RAP1GAP2: variants seen among roughly 807,000 people sequenced by gnomAD.
RAP1GAP2 encodes the protein RAP1 GTPase activating protein 2.
In RAP1GAP2, 27 loss-of-function variants were observed where a neutral mutation model predicts 95.0. The ratio of observed to expected loss-of-function variants is 0.28; its 90% confidence interval spans 0.21 to 0.39. The LOEUF (loss-of-function observed/expected upper bound fraction) is 0.39. RAP1GAP2 is among the 10% of genes least tolerant of loss of function. The pLI is 1.00. For synonymous variants in RAP1GAP2, 373 were observed against 380.9 expected, an observed-to-expected ratio of 0.98 and a Z score of 0.24; for missense variants, 771 against 970.0, an observed-to-expected ratio of 0.79 and a Z score of 2.72.
At chr17:2,816,482 C>T (rs59187238) in intron 2 of RAP1GAP2, among the ~76,000 whole-genome samples, 4,482 of 151,862 alleles carry the variant, frequency 0.03, 234 homozygotes, top group African/African-American at 0.1. Context: ...GGATCACAGG[C>T]GCCCGACACC....
At chr17:2,880,348 C>A (rs1436733907) in intron 2 of RAP1GAP2, among the ~76,000 whole-genome samples, 1 of 149,252 alleles carries the variant, frequency 6.7e-6, no homozygotes, top group East Asian at 2.0e-4. Flanking sequence ...TGGGTGGGGC[C>A]GTTGGGACAA....
intron 2 of RAP1GAP2, among the ~76,000 whole-genome samples, chr17:2,811,082 C>T (rs965752170): frequency 9.9e-5 from 15 of 152,262 alleles, no homozygotes; most frequent in African/African-American, 3.6e-4. Flanking sequence ...CCCCTCTTTC[C>T]ACTAAGAGCC....
intron 2 of RAP1GAP2, among the ~76,000 whole-genome samples, chr17:2,822,069 C>T (rs1434906547): frequency 6.6e-6 from 1 of 152,156 alleles, no homozygotes; most frequent in Non-Finnish European, 1.5e-5. Context: ...ATTTCAGATG[C>T]AGCTCCTGCC....
intron 8 of RAP1GAP2, among the ~76,000 whole-genome samples, chr17:2,968,565 G>C (rs2044714123): frequency 6.6e-6 from 1 of 152,118 alleles, no homozygotes; most frequent in South Asian, 2.1e-4. Context: ...GTATTTCATA[G>C]ATATAAAGTT....
At chr17:2,910,781 A>T (rs1597585171) in intron 3 of RAP1GAP2, among the ~76,000 whole-genome samples, 4 of 152,116 alleles carry the variant, frequency 2.6e-5, no homozygotes. Context: ...GCTGAAATGT[A>T]ATGGCGCGAT....
intron 2 of RAP1GAP2, among the ~76,000 whole-genome samples, chr17:2,848,244 G>A (rs960206200): frequency 4.6e-5 from 7 of 152,102 alleles, no homozygotes; most frequent in African/African-American, 7.2e-5. Context: ...ACAGAGATCC[G>A]TTTCCAAAAC....
intron 2 of RAP1GAP2, among the ~76,000 whole-genome samples, chr17:2,852,654 C>CG (rs1434674412): frequency 2.6e-5 from 4 of 152,250 alleles, no homozygotes; most frequent in African/African-American, 7.2e-5. Context: ...GGAACCTCTT[C>CG]GGCCCCAAAG....
chr17:2,817,775 C>T lies in RAP1GAP2; in HGVS notation c.80+17225C>T, dbSNP rs1437865682. Among the ~76,000 whole-genome samples, 2 of 121,354 alleles carry T rather than the reference C, an allele frequency of 1.6e-5. 1 individual carries two copies. Among genetic ancestry groups the T allele is most frequent in the Non-Finnish European group, 4.0e-5 (2 of 50,568 alleles). 79.6% of individuals were successfully genotyped at this position (121,354 alleles called of 152,430 possible). On this transcript the variant is annotated intron_variant, in intron 2 of 24. Coordinates refer to ENST00000254695, the MANE Select transcript of RAP1GAP2 (RefSeq NM_015085.5). ...ACCTCAGGCAATCCAACTGCCTCAA[C>T]CTCCCAAAGTGTTAGGATTACAGGC...
At chr17:3,002,556 G>A (rs750282807) in intron 14 of RAP1GAP2, among the ~76,000 whole-genome samples, 16 of 152,220 alleles carry the variant, frequency 1.1e-4, no homozygotes, top group Non-Finnish European at 2.2e-4. Context: ...GGGTGAAGCA[G>A]GACCTTAGCT....
chr17:2,774,471 C>G (rs1390517304), upstream of RAP1GAP2, among the ~76,000 whole-genome samples: 1 of 139,530 alleles, frequency 7.2e-6, no homozygotes. Flanking sequence ...GCTGGTCACC[C>G]CTGCTATCGT....
rs1376111394 is a variant in RAP1GAP2, at chr17:2,906,281, C to A, written c.165+913C>A. Among the ~76,000 whole-genome samples the A allele has an allele frequency of 6.6e-6, 1 of 152,224 alleles. No individual in the cohort carries two copies. The highest frequency in any genetic ancestry group is 6.5e-5 in the Admixed American group (1 of 15,284). On this transcript the variant is annotated intron_variant, in intron 3 of 24. Transcript: ENST00000254695. The surrounding 1 kb of genome is among the most constrained non-coding windows in gnomAD (Gnocchi z 4.3). ...TTCCTCACTGCTCTGCATCACCCCT[C>A]CTCTTCCCTGAACCTAATCTTTTGC...
intron 3 of RAP1GAP2, among the ~76,000 whole-genome samples, chr17:2,939,004 A>C (rs1445062379): frequency 1.3e-5 from 2 of 152,068 alleles, no homozygotes; most frequent in Non-Finnish European, 2.9e-5. Context: ...AAAACAAAAC[A>C]AAAAAAATGC....
intron 2 of RAP1GAP2, among the ~76,000 whole-genome samples, chr17:2,893,557 G>A (rs993967591): frequency 2.4e-4 from 36 of 152,330 alleles, no homozygotes; most frequent in African/African-American, 8.2e-4. Flanking sequence ...AGATGAATGC[G>A]CCTTTCCTCG....
intron 14 of RAP1GAP2, among the ~76,000 whole-genome samples, chr17:3,001,819 A>T (rs1255428034): frequency 6.6e-6 from 1 of 152,208 alleles, no homozygotes; most frequent in African/African-American, 2.4e-5. Flanking sequence ...CTCTTTCCCA[A>T]TAGGAAATGC....
chr17:2,943,388 A>C (rs9913168), intron 3 of RAP1GAP2, among the ~76,000 whole-genome samples: 10,841 of 152,214 alleles, frequency 0.071, 729 homozygotes, highest in African/African-American at 0.18. Flanking sequence ...GAAGTGCACT[A>C]TAGGGGTGGG....
At position 2,904,986 on chromosome 17, in the gene RAP1GAP2, A is replaced by C. The variant is rs1179533002; in HGVS notation, c.81-298A>C. On this transcript the variant is annotated intron_variant, in intron 2 of 24. Coordinates refer to ENST00000254695, the MANE Select transcript of RAP1GAP2 (RefSeq NM_015085.5). The surrounding 1 kb of genome is among the most constrained non-coding windows in gnomAD (Gnocchi z 4.7). ...AACCTCCACCTCCCAGGTTCAAGTG[A>C]TTCTCCTGCCTCAGTCTCTCTAGTA... is the stretch of plus-strand genomic sequence containing the variant. Among the ~76,000 whole-genome samples, 1 of 151,926 alleles carries C rather than the reference A, an allele frequency of 6.6e-6. No homozygotes were observed. Among genetic ancestry groups the C allele is most frequent in the African/African-American group, 2.4e-5 (1 of 41,336 alleles).
chr17:2,908,164 G>T lies in RAP1GAP2; in HGVS notation c.165+2796G>T, dbSNP rs183129995. On this transcript the variant is annotated intron_variant, in intron 3 of 24. Coordinates refer to ENST00000254695, the MANE Select transcript of RAP1GAP2 (RefSeq NM_015085.5). ...TTGTATACACAGGGCAGCTTGAGAAGCACTGCTGTGGGCCTCTGCACATGC... is the reference window on the plus strand; with the variant it reads ...TTGTATACACAGGGCAGCTTGAGAATCACTGCTGTGGGCCTCTGCACATGC... Among the ~76,000 whole-genome samples, 53 of 152,298 alleles carry T rather than the reference G, an allele frequency of 3.5e-4. No individual in the cohort carries two copies. In the East Asian group the frequency reaches 0.01, roughly 29 times the overall value.
intron 2 of RAP1GAP2, among the ~76,000 whole-genome samples, chr17:2,883,707 T>G (rs1020679076): frequency 6.6e-6 from 1 of 152,238 alleles, no homozygotes; most frequent in Non-Finnish European, 1.5e-5. Flanking sequence ...GAGTCGGCTT[T>G]TGAGCTCTGG....
intron 3 of RAP1GAP2, among the ~76,000 whole-genome samples, chr17:2,941,538 G>A (rs968068446): frequency 3.1e-4 from 47 of 152,186 alleles, no homozygotes; most frequent in Non-Finnish European, 7.3e-5. Flanking sequence ...TCCAGTTGAG[G>A]CACCGTGAGA....
Sources: allele counts gnomAD v4.1 joint callset (sites outside exome capture counted in the v4.1 genomes callset), GRCh38; gene constraint gnomAD v4.1.1; non-coding constraint Gnocchi (gnomAD v3.1); transcripts MANE v1.5; gene names NCBI Gene and HGNC (gene_info 2026-07-23, HGNC 2026-07-21).